The following EYS variants were observed in gnomAD, a reference collection of about 807,000 sequenced individuals.
EYS encodes protein eyes shut homolog.
In EYS, 250 loss-of-function variants were observed where a neutral mutation model predicts 282.1. The ratio of observed to expected loss-of-function variants is 0.89; its 90% confidence interval spans 0.80 to 0.98. EYS has a LOEUF of 0.98. Among genes scored for constraint, EYS ranks in the 50% least tolerant of loss-of-function variants. The probability of loss-of-function intolerance (pLI) is 0.00; values close to 1 mark genes in which losing one functional copy is unlikely to be tolerated. For missense variants in EYS, 4,016 were observed against 3,709.0 expected (o/e 1.08, Z -2.15); for synonymous variants, 1,355 against 1,282.9 (o/e 1.06, Z -1.20).
chr6:63,961,427 C>T (rs930653746), intron 35 of EYS, among the ~76,000 whole-genome samples: 2 of 151,526 alleles, frequency 1.3e-5, no homozygotes, highest in Admixed American at 1.3e-4. Flanking sequence ...ACCTTGTGAC[C>T]CCCGCCCCTG....
chr6:65,123,160 GA>G (rs1326199643), intron 12 of EYS, among the ~76,000 whole-genome samples: 1 of 152,010 alleles, frequency 6.6e-6, no homozygotes, highest in African/African-American at 2.4e-5. Flanking sequence ...TTCGACTGGG[GA>G]AAAAGTGAAT....
intron 11 of EYS, among the ~76,000 whole-genome samples, chr6:65,317,439 T>C (rs1562092485): frequency 6.6e-6 from 1 of 152,194 alleles, no homozygotes; most frequent in Non-Finnish European, 1.5e-5. Flanking sequence ...TCATTTGTAG[T>C]TTTGGTATGA....
intron 31 of EYS, among the ~76,000 whole-genome samples, chr6:64,102,198 T>C (rs1772853005): frequency 6.6e-6 from 1 of 152,182 alleles, no homozygotes; most frequent in African/African-American, 2.4e-5. Flanking sequence ...CTTCTTTATG[T>C]TTTTGAAATA....
At position 64,062,708 on chromosome 6, in the gene EYS, A is replaced by G. The variant is rs562066244; in HGVS notation, c.6725+3630T>C. Among the ~76,000 whole-genome samples, 496 of 151,656 alleles carry G rather than the reference A, an allele frequency of 3.3e-3. 1 individual carries two copies. The highest frequency in any genetic ancestry group is 6.8e-3 in the Middle Eastern group (2 of 294). The stretch of plus-strand genomic sequence containing the variant: ...CTCCAACTCAAAAAAAAAAAAAAAA[A>G]AAGAAGAAGAAACTTATGTTCTCCC... On this transcript the variant is annotated intron_variant, in intron 33 of 42. Coordinates refer to ENST00000503581, the MANE Select transcript of EYS (RefSeq NM_001142800.2).
chr6:64,314,194 CAAA>C (rs138447983), intron 29 of EYS, among the ~76,000 whole-genome samples: 8 of 27,672 alleles, frequency 2.9e-4, no homozygotes, highest in African/African-American at 1.2e-3. Context: ...AAATGGAAAG[CAAA>C]AAAAAAAAAA....
rs987086649 is a variant in EYS, at chr6:65,491,268, T to C, written c.749-561A>G. On this transcript the variant is annotated intron_variant, in intron 4 of 42. Transcript: ENST00000503581. ...TATTGTGGTCCCACTATATCAGTTA[T>C]ATACACACACACACACACACACACA... 11 of 160,734 alleles carry C rather than the reference T, an allele frequency of 6.8e-5. No individual in the cohort carries two copies. In the East Asian group the frequency reaches 1.6e-3, roughly 23 times the overall value. The allele number at this position is 160,734 out of a possible 1,614,324, so 10.0% of individuals were successfully genotyped here.
At chr6:63,799,691 T>G (rs2149675892) in intron 37 of EYS, among the ~76,000 whole-genome samples, 1 of 152,312 alleles carries the variant, frequency 6.6e-6, no homozygotes, top group South Asian at 2.1e-4. Context: ...ATGCTTTGAT[T>G]TATGAAAATG....
At chr6:63,820,987 G>A (rs142000338) in intron 36 of EYS, among the ~76,000 whole-genome samples, 140 of 152,078 alleles carry the variant, frequency 9.2e-4, no homozygotes, top group African/African-American at 2.9e-3. Flanking sequence ...ATGAAATTAT[G>A]TATTAAAATA....
intron 36 of EYS, among the ~76,000 whole-genome samples, chr6:63,842,969 T>C (rs1414894000): frequency 1.3e-5 from 2 of 152,218 alleles, no homozygotes; most frequent in African/African-American, 4.8e-5. Flanking sequence ...GGCCTACATA[T>C]CTGTTTTGGT....
intron 35 of EYS, among the ~76,000 whole-genome samples, chr6:63,945,404 G>A (rs1414403118): frequency 6.6e-6 from 1 of 152,000 alleles, no homozygotes; most frequent in Admixed American, 6.5e-5. Context: ...GAGATTATGG[G>A]AACTACCATT....
At chr6:64,470,596 C>T (rs1268035576) in intron 26 of EYS, among the ~76,000 whole-genome samples, 3 of 151,942 alleles carry the variant, frequency 2.0e-5, no homozygotes, top group Admixed American at 6.6e-5. Flanking sequence ...AGCTAATGAG[C>T]TAAAAAAATG....
chr6:64,667,325 C>T (rs1181585391), intron 22 of EYS, among the ~76,000 whole-genome samples: 1 of 151,842 alleles, frequency 6.6e-6, no homozygotes, highest in African/African-American at 2.4e-5. Flanking sequence ...GAGCCTTCCC[C>T]TGATGTCCTG....
intron 13 of EYS, among the ~76,000 whole-genome samples, chr6:65,013,453 T>C (rs972884533): frequency 5.9e-5 from 9 of 152,192 alleles, no homozygotes; most frequent in African/African-American, 2.2e-4. Context: ...AATAGGCAAG[T>C]AAATCGGTGC....
At chr6:64,257,788 GA>G (rs2150351428) in intron 30 of EYS, among the ~76,000 whole-genome samples, 1 of 151,842 alleles carries the variant, frequency 6.6e-6, no homozygotes, top group South Asian at 2.1e-4. Context: ...TGATGATGAT[GA>G]TGATGATGAT....
intron 26 of EYS, among the ~76,000 whole-genome samples, chr6:64,518,036 G>T (rs1197244462): frequency 6.6e-6 from 1 of 151,742 alleles, no homozygotes; most frequent in Non-Finnish European, 1.5e-5. Flanking sequence ...AGATGCAAAA[G>T]TGCCCTACAA....
chr6:64,127,313 A>C (rs1253049614), intron 31 of EYS, among the ~76,000 whole-genome samples: 1 of 152,166 alleles, frequency 6.6e-6, no homozygotes, highest in Admixed American at 6.5e-5. Context: ...GTGACTTTTC[A>C]AATGGTAGTA....
intron 18 of EYS, among the ~76,000 whole-genome samples, chr6:64,893,442 T>G (rs1185324212): frequency 6.6e-6 from 1 of 152,102 alleles, no homozygotes; most frequent in Non-Finnish European, 1.5e-5. Flanking sequence ...TTTAATTTAC[T>G]TTGAAGTAAC....
At chr6:65,170,016 A>G (rs2150226776) in intron 12 of EYS, among the ~76,000 whole-genome samples, 2 of 151,690 alleles carry the variant, frequency 1.3e-5, no homozygotes, top group East Asian at 3.9e-4. Flanking sequence ...AAAAATGGGA[A>G]ACTTACTTTC....
At chr6:63,990,733 TG>T (rs1479296581) in intron 34 of EYS, among the ~76,000 whole-genome samples, 1 of 151,676 alleles carries the variant, frequency 6.6e-6, no homozygotes, top group Non-Finnish European at 1.5e-5. Context: ...TGGGGGCTTC[TG>T]TCTCACTAGT....
Sources: gnomAD v4.1 joint callset for allele counts (sites outside exome capture counted in the v4.1 genomes callset) on GRCh38, gnomAD v4.1.1 for gene constraint, MANE v1.5 for transcripts, NCBI Gene and HGNC (gene_info 2026-07-23, HGNC 2026-07-21) for gene names.